The following MITF variants were observed in gnomAD, a reference collection of about 807,000 sequenced individuals.
MITF encodes the protein microphthalmia-associated transcription factor.
A neutral mutation model predicts 60.5 loss-of-function variants in MITF; 17 were observed. The ratio of observed to expected loss-of-function variants is 0.28; its 90% CI spans 0.19 to 0.42. The LOEUF (loss-of-function observed/expected upper bound fraction) is 0.42. MITF is among the 10% of genes least tolerant of loss of function. MITF has a pLI of 1.00. For synonymous variants in MITF, 260 were observed against 248.5 expected, an observed-to-expected ratio of 1.05 and a Z score of -0.43; for missense variants, 622 against 683.5, an observed-to-expected ratio of 0.91 and a Z score of 1.00.
intron 1 of MITF, among the ~76,000 whole-genome samples, chr3:69,766,846 G>A (rs952289313): frequency 6.6e-5 from 10 of 152,064 alleles, no homozygotes; most frequent in Admixed American, 2.0e-4. Flanking sequence ...AGTGCATCAG[G>A]CTCCCATGAC....
intron 1 of MITF, among the ~76,000 whole-genome samples, chr3:69,800,404 A>G (rs554943546): frequency 6.6e-6 from 1 of 152,250 alleles, no homozygotes; most frequent in Admixed American, 6.5e-5. Flanking sequence ...ACTTTCTTGT[A>G]CAAGTTTTTG....
intron 2 of MITF, among the ~76,000 whole-genome samples, chr3:69,891,840 A>G (rs1193605081): frequency 1.3e-5 from 2 of 152,142 alleles, no homozygotes; most frequent in African/African-American, 4.8e-5. Flanking sequence ...CAAAATACCT[A>G]ATAGCTATTT....
At chr3:69,946,214 A>T (rs551851824) in intron 5 of MITF, among the ~76,000 whole-genome samples, 7 of 152,324 alleles carry the variant, frequency 4.6e-5, no homozygotes, top group African/African-American at 1.4e-4. Context: ...ACTAAGCCTC[A>T]GAGAACTTGC....
intron 1 of MITF, among the ~76,000 whole-genome samples, chr3:69,783,065 G>T (rs927825286): frequency 5.3e-5 from 8 of 152,128 alleles, no homozygotes; most frequent in African/African-American, 1.9e-4. Context: ...CAGTTCCCTT[G>T]ATAAACACCT....
chr3:69,902,775 T>A (rs1041139934), intron 2 of MITF, among the ~76,000 whole-genome samples: 8 of 152,230 alleles, frequency 5.3e-5, no homozygotes, highest in Admixed American at 4.6e-4. Context: ...GACTTGGTTA[T>A]TAACTTGCGT....
At chr3:69,919,248 C>T (rs1288080933) in intron 2 of MITF, among the ~76,000 whole-genome samples, 8 of 152,160 alleles carry the variant, frequency 5.3e-5, no homozygotes, top group South Asian at 2.1e-4. Flanking sequence ...AGTAAGAGCC[C>T]ATTTAAGTCC....
chr3:69,741,042 T>C (rs1485856132), intron 1 of MITF, among the ~76,000 whole-genome samples: 3 of 152,204 alleles, frequency 2.0e-5, no homozygotes, highest in Non-Finnish European at 4.4e-5. Context: ...GCGGTCCTAC[T>C]GACTGCCATT....
chr3:69,781,190 A>G (rs1032611570), intron 1 of MITF, among the ~76,000 whole-genome samples: 1 of 152,128 alleles, frequency 6.6e-6, no homozygotes, highest in Non-Finnish European at 1.5e-5. Flanking sequence ...ATTAAAAAAT[A>G]ATACTATTAA....
chr3:69,880,845 A>T (rs921337867), intron 2 of MITF, among the ~76,000 whole-genome samples: 4 of 152,046 alleles, frequency 2.6e-5, no homozygotes, highest in Non-Finnish European at 5.9e-5. Flanking sequence ...GTTCACCTTT[A>T]TAATCTGTAG....
At chr3:69,825,101 A>G (rs1159592426) in intron 1 of MITF, among the ~76,000 whole-genome samples, 1 of 152,112 alleles carries the variant, frequency 6.6e-6, no homozygotes, top group Non-Finnish European at 1.5e-5. Context: ...CTATTTTCAG[A>G]CAGTAGTTTG....
At chr3:69,957,092 T>C (rs1256934755) in intron 8 of MITF, among the ~76,000 whole-genome samples, 4 of 152,208 alleles carry the variant, frequency 2.6e-5, no homozygotes, top group Admixed American at 6.5e-5. Context: ...CTAATTTAGA[T>C]TTCAGCTTTT....
intron 1 of MITF, among the ~76,000 whole-genome samples, chr3:69,848,347 A>G (rs1164529286): frequency 6.6e-6 from 1 of 152,226 alleles, no homozygotes; most frequent in African/African-American, 2.4e-5. Flanking sequence ...CTCTATGGCA[A>G]TATCACTCTG....
chr3:69,826,444 G>A (rs2063355960), intron 1 of MITF, among the ~76,000 whole-genome samples: 1 of 152,110 alleles, frequency 6.6e-6, no homozygotes, highest in Admixed American at 6.6e-5. Flanking sequence ...ATCCTACTAG[G>A]ATTTAGTTAT....
chr3:69,963,970 CTTTTTT>C lies in MITF; in HGVS notation c.1180-859_1180-854del, dbSNP rs56921812. 9.3e-5 allele frequency among the ~76,000 whole-genome samples: 8 copies of C among 86,112 alleles called. No individual in the cohort carries two copies. The South Asian group carries it at 1.3e-3, about 14-fold the overall frequency. 56.5% of individuals were successfully genotyped at this position (86,112 alleles called of 152,430 possible). ...ACTGAATATGTTTCTTTTTTCTTTT[CTTTTTT>C]TTTTTTTTTTTTTTTTTGAGATGGT... is the stretch of plus-strand genomic sequence containing the variant. On this transcript the variant is annotated intron_variant, in intron 9 of 9. Transcript: ENST00000352241.
At chr3:69,837,767 A>C (rs1012642112) in intron 1 of MITF, among the ~76,000 whole-genome samples, 2 of 152,188 alleles carry the variant, frequency 1.3e-5, no homozygotes, top group African/African-American at 4.8e-5. Flanking sequence ...GAATATTCAT[A>C]TGTTTCCCGG....
intron 9 of MITF, among the ~76,000 whole-genome samples, chr3:69,963,730 G>A (rs748121913): frequency 7.9e-5 from 12 of 152,160 alleles, no homozygotes; most frequent in Non-Finnish European, 1.5e-4. Flanking sequence ...ACTGCCAAAA[G>A]CTCAACTTTG....
At position 69,843,412 on chromosome 3, in the gene MITF, T is replaced by C. The variant is rs189278508; in HGVS notation, c.105-35722T>C. On this transcript the variant is annotated intron_variant, in intron 1 of 9. Coordinates refer to ENST00000352241, the MANE Select transcript of MITF (RefSeq NM_001354604.2). ...AAATCTCTATTCTGAGATTTTGATA[T>C]CCCTGAAAATTTGTGCATCCTCCCT... 8.1e-4 allele frequency among the ~76,000 whole-genome samples: 124 copies of C among 152,272 alleles called. 1 individual carries two copies. The highest frequency in any genetic ancestry group is 1.6e-3 in the Admixed American group (24 of 15,300).
intron 2 of MITF, among the ~76,000 whole-genome samples, chr3:69,904,752 T>G (rs2107362049): frequency 6.6e-6 from 1 of 152,196 alleles, no homozygotes; most frequent in South Asian, 2.1e-4. Flanking sequence ...CAGGTATATA[T>G]TAAGTAGTCA....
rs528654528 is a variant in MITF, at chr3:69,838,885, G to GT, written c.105-40248dup. 6.6e-5 allele frequency among the ~76,000 whole-genome samples: 10 copies of GT among 152,306 alleles called. No homozygotes were observed. In the South Asian group the frequency reaches 2.1e-3, roughly 32 times the overall value. ...GCAAGGGGAATTGCAAAGGTCATGTGTAAGTTCTGTGGCTGAAGTGTGGAG... is the reference window on the plus strand; with the variant it reads ...GCAAGGGGAATTGCAAAGGTCATGTGTTAAGTTCTGTGGCTGAAGTGTGGAG... On this transcript the variant is annotated intron_variant, in intron 1 of 9. Coordinates refer to ENST00000352241, the MANE Select transcript of MITF (RefSeq NM_001354604.2).
Sources: gnomAD v4.1 joint callset for allele counts (sites outside exome capture counted in the v4.1 genomes callset) on GRCh38, gnomAD v4.1.1 for gene constraint, MANE v1.5 for transcripts, NCBI Gene and HGNC (gene_info 2026-07-23, HGNC 2026-07-21) for gene names.